The following ANKRD45 variants were observed in gnomAD, a reference collection of about 807,000 sequenced individuals.
The protein encoded by ANKRD45 is ankyrin repeat domain-containing protein 45.
ANKRD45 carries 21 observed loss-of-function variants against 28.1 expected under a neutral mutation model. The observed-to-expected ratio is 0.75, with a 90% confidence interval of 0.53 to 1.08. ANKRD45 has a LOEUF of 1.08. Ranked by LOEUF, ANKRD45 falls within the 50% of genes least tolerant of loss-of-function variation. ANKRD45 has a pLI of 0.00. For synonymous variants in ANKRD45, 86 were observed against 103.9 expected, an observed-to-expected ratio of 0.83 and a Z score of 1.05; for missense variants, 261 against 308.7, an observed-to-expected ratio of 0.85 and a Z score of 1.16.
chr1:173,661,506 G>A (rs1191457731), intron 1 of ANKRD45, among the ~76,000 whole-genome samples: 5 of 152,142 alleles, frequency 3.3e-5, no homozygotes, highest in African/African-American at 7.2e-5. Context: ...GTAGACAACT[G>A]GTAGAGCAAG....
the ANKRD45 span, among the ~76,000 whole-genome samples, chr1:173,689,263 G>A: frequency 9.3e-4 from 142 of 152,216 alleles, no homozygotes; most frequent in African/African-American, 3.1e-3. Context: ...TCTTTAGGGG[G>A]CCTGGTAGAT....
chr1:173,647,623 A>C (rs1272139535), intron 2 of ANKRD45, among the ~76,000 whole-genome samples: 1 of 152,224 alleles, frequency 6.6e-6, no homozygotes, highest in Non-Finnish European at 1.5e-5. Flanking sequence ...TGATTTTTTA[A>C]AAATTAAAGA....
chr1:173,632,848 C>G (rs968738153), intron 3 of ANKRD45, among the ~76,000 whole-genome samples: 20 of 151,980 alleles, frequency 1.3e-4, no homozygotes, highest in African/African-American at 4.8e-4. Flanking sequence ...TAGGAACATA[C>G]ATCAACACAA....
At chr1:173,702,011 A>G in the ANKRD45 span, among the ~76,000 whole-genome samples, 1 of 152,204 alleles carries the variant, frequency 6.6e-6, no homozygotes. Flanking sequence ...ATAAAAGGGC[A>G]TGAAGGCACA....
chr1:173,657,710 G>A (rs1669607152), intron 2 of ANKRD45: 2 of 123,034 alleles, frequency 1.6e-5, no homozygotes, highest in South Asian at 2.9e-4. Context: ...CAATCCTCTT[G>A]CCTCGGCCTC....
chr1:173,691,523 C>A, the ANKRD45 span, among the ~76,000 whole-genome samples: 3 of 152,228 alleles, frequency 2.0e-5, no homozygotes, highest in African/African-American at 7.2e-5. Context: ...TGGTGGCTCA[C>A]GCCTGTAATC....
intron 5 of ANKRD45, among the ~76,000 whole-genome samples, chr1:173,616,519 A>G (rs1667473652): frequency 6.6e-6 from 1 of 152,172 alleles, no homozygotes; most frequent in Non-Finnish European, 1.5e-5. Flanking sequence ...AATATACTGA[A>G]AACCACTGAA....
At chr1:173,621,560 T>C (rs1352224374) in intron 5 of ANKRD45, among the ~76,000 whole-genome samples, 1 of 152,162 alleles carries the variant, frequency 6.6e-6, no homozygotes, top group South Asian at 2.1e-4. Context: ...AAAAACCACA[T>C]GATTATCTCG....
chr1:173,651,451 T>C (rs925588870), intron 2 of ANKRD45, among the ~76,000 whole-genome samples: 1 of 152,206 alleles, frequency 6.6e-6, no homozygotes, highest in Non-Finnish European at 1.5e-5. Flanking sequence ...CATTGGTCTA[T>C]ATCTCTGTTT....
At chr1:173,659,482 A>C (rs538645642) in intron 1 of ANKRD45, 49 bp from the exon 2 acceptor site, 2 of 1,437,092 alleles carry the variant, frequency 1.4e-6, no homozygotes, top group South Asian at 1.5e-5. Flanking sequence ...CAAACACATC[A>C]GTATTTGTTT....
the ANKRD45 span, among the ~76,000 whole-genome samples, chr1:173,696,293 A>G: frequency 6.6e-6 from 1 of 152,210 alleles, no homozygotes; most frequent in Non-Finnish European, 1.5e-5. Context: ...TAGGTCCCAC[A>G]TGTCAATTTT....
At chr1:173,636,434 C>T (rs1668445647) in intron 3 of ANKRD45, among the ~76,000 whole-genome samples, 1 of 152,128 alleles carries the variant, frequency 6.6e-6, no homozygotes, top group Non-Finnish European at 1.5e-5. Context: ...CCTCATTGAC[C>T]TTCAGAAGAA....
Position 173,610,021 on chromosome 1 carries a change from G to A in ANKRD45, c.*124C>T, listed in dbSNP as rs1667073119. ...TGCTGAACAGGTCAAACAAAACAAGGGCGATGTAATGTTGTACTTAAATAC... is the reference window on the plus strand; with the variant it reads ...TGCTGAACAGGTCAAACAAAACAAGAGCGATGTAATGTTGTACTTAAATAC... On this transcript the variant is annotated 3_prime_UTR_variant, in exon 6 of 6. Coordinates refer to ENST00000333279, the MANE Select transcript of ANKRD45 (RefSeq NM_198493.3). 6.1e-6 allele frequency: 6 copies of A among 983,932 alleles called. No individual in the cohort carries two copies. Among genetic ancestry groups the A allele is most frequent in the Non-Finnish European group, 9.4e-6 (6 of 641,470 alleles). The allele number at this position is 983,932 out of a possible 1,614,324, so 61.0% of individuals were successfully genotyped here. A position where few individuals can be genotyped will look rare whatever the true frequency, so the allele number is the denominator to read the frequency against.
At chr1:173,714,819 G>C in the ANKRD45 span, 1 of 152,226 alleles carries the variant, frequency 6.6e-6, no homozygotes, top group Non-Finnish European at 1.5e-5. Context: ...CAACCTCTGA[G>C]GTTACCTGAA....
the ANKRD45 span, among the ~76,000 whole-genome samples, chr1:173,681,253 G>A: frequency 2.0e-5 from 3 of 152,154 alleles, no homozygotes; most frequent in East Asian, 5.8e-4. Flanking sequence ...CAGTTATTTA[G>A]TGTATGTGTG....
chr1:173,656,988 G>C (rs989952355), intron 2 of ANKRD45, among the ~76,000 whole-genome samples: 28 of 146,982 alleles, frequency 1.9e-4, no homozygotes, highest in African/African-American at 7.0e-4. Context: ...GAGGTAGGGA[G>C]GCTTGTCTCA....
At chr1:173,649,591 TTGTC>T (rs1327479018) in intron 2 of ANKRD45, among the ~76,000 whole-genome samples, 2 of 152,310 alleles carry the variant, frequency 1.3e-5, no homozygotes, top group East Asian at 3.9e-4. Context: ...GATATATCCT[TTGTC>T]TGTGGCTTAT....
At chr1:173,623,236 C>G (rs1325393792) in intron 5 of ANKRD45, among the ~76,000 whole-genome samples, 2 of 151,786 alleles carry the variant, frequency 1.3e-5, no homozygotes, top group East Asian at 3.9e-4. Context: ...TCGCTTGAAC[C>G]CAGGAGGTGG....
chr1:173,638,299 A>G (rs568472363), intron 3 of ANKRD45, among the ~76,000 whole-genome samples: 32 of 152,314 alleles, frequency 2.1e-4, no homozygotes, highest in Non-Finnish European at 3.7e-4. Flanking sequence ...AGACATCCCC[A>G]GTCTGAAGAA....
Sources: gnomAD v4.1 joint callset for allele counts (sites outside exome capture counted in the v4.1 genomes callset) on GRCh38, gnomAD v4.1.1 for gene constraint, MANE v1.5 for transcripts, NCBI Gene and HGNC (gene_info 2026-07-23, HGNC 2026-07-21) for gene names.